KLHDC8B: variants seen among roughly 807,000 people sequenced by gnomAD.
The protein encoded by KLHDC8B is kelch domain-containing protein 8B.
A neutral mutation model predicts 26.3 loss-of-function variants in KLHDC8B; 19 were observed. The observed-to-expected ratio is 0.72, with a 90% confidence interval of 0.50 to 1.06. The LOEUF (loss-of-function observed/expected upper bound fraction) is 1.06. KLHDC8B is among the 50% of genes least tolerant of loss of function. The probability of loss-of-function intolerance (pLI) is 0.00; values close to 1 mark genes in which losing one functional copy is unlikely to be tolerated. For synonymous variants in KLHDC8B, 150 were observed against 188.4 expected (o/e 0.80, Z 1.67); for missense variants, 411 against 488.1 (o/e 0.84, Z 1.49).
intron 3 of KLHDC8B, 129 bp downstream of exon 3, chr3:49,174,532 T>G: frequency 1.6e-6 from 2 of 1,216,234 alleles, no homozygotes; most frequent in Non-Finnish European, 1.1e-6. Flanking sequence ...GGGTGATCCA[T>G]GCCTGCTCTG....
chr3:49,174,099 G>C, intron 2 of KLHDC8B, 140 bp from the exon 3 acceptor site: 3 of 559,138 alleles, frequency 5.4e-6, no homozygotes, highest in Non-Finnish European at 9.4e-6. Flanking sequence ...ACTGCAGGCA[G>C]GTAGTAGAGT....
Position 49,174,204 on chromosome 3 carries a change from C to T in KLHDC8B, c.377-35C>T, listed in dbSNP as rs373374331. 22 of 1,551,224 alleles carry T rather than the reference C, an allele frequency of 1.4e-5. 1 individual carries two copies. In the East Asian group the frequency reaches 2.3e-4, roughly 16 times the overall value. On this transcript the variant is annotated intron_variant, in intron 2 of 5. Transcript: ENST00000332780. ...TGTCAGGGTGGGGTACCCTGGCAGGCTGAGGTACAATCTGAACTACTCTTT... is the reference window on the plus strand; with the variant it reads ...TGTCAGGGTGGGGTACCCTGGCAGGTTGAGGTACAATCTGAACTACTCTTT...
chr3:49,172,328 A>G (rs2045775127), intron 1 of KLHDC8B, among the ~76,000 whole-genome samples: 1 of 152,142 alleles, frequency 6.6e-6, no homozygotes, highest in Non-Finnish European at 1.5e-5. Context: ...GTCCTGTTCT[A>G]GTCACCTTAC....
chr3:49,173,105 C>T lies in KLHDC8B; in HGVS notation c.336C>T (p.Thr112=), dbSNP rs754018528. Residue 112 remains threonine (T), a synonymous_variant, in exon 2 of 6, where the codon ACC becomes ACT. Coordinates refer to ENST00000332780, the MANE Select transcript of KLHDC8B (RefSeq NM_173546.3). ...AGGGCCGCTGGGAGCGTCGGGCCAC[C>T]CTCCCTCAAGCAGCCATGGGGGTTG... ...MDEGRWERRA[T]LPQAAMGVAT... 1 of 1,580,380 alleles carries T rather than the reference C, an allele frequency of 6.3e-7. No homozygotes were observed. The highest frequency in any genetic ancestry group is 8.6e-7 in the Non-Finnish European group (1 of 1,163,606).
Position 49,171,604 on chromosome 3 carries a change from C to T in KLHDC8B, c.-216C>T, listed in dbSNP as rs1174686983. 3 of 152,342 alleles carry T rather than the reference C, an allele frequency of 2.0e-5. No individual in the cohort carries two copies. The highest frequency in any genetic ancestry group is 2.9e-5 in the Non-Finnish European group (2 of 68,172). The allele number at this position is 152,342 out of a possible 1,614,324, so 9.4% of individuals were successfully genotyped here. A position where few individuals can be genotyped will look rare whatever the true frequency, so the allele number is the denominator to read the frequency against. On this transcript the variant is annotated 5_prime_UTR_variant, in exon 1 of 6. Transcript: ENST00000332780. ...GCAGTGCCGGAGCCCCGCCAGAGCCCGACTTCAGCCCCAGCCAGATCCCGC... is the reference window on the plus strand; with the variant it reads ...GCAGTGCCGGAGCCCCGCCAGAGCCTGACTTCAGCCCCAGCCAGATCCCGC...
Position 49,173,001 on chromosome 3 carries a change from G to A in KLHDC8B, c.232G>A (p.Gly78Ser), listed in dbSNP as rs1408180330. ...ARAGAAAVVL[G>S]KQVLVVGGVD... The stretch of plus-strand genomic sequence containing the variant: ...GGCTGGTGCAGCTGCGGTAGTTCTG[G>A]GCAAGCAGGTGCTAGTGGTGGGTGG... Residue 78 changes from glycine (G) to serine (S), a missense_variant, in exon 2 of 6, where the codon GGC becomes AGC. Gly to Ser is a moderately conservative substitution (Grantham distance 56). Transcript: ENST00000332780. 1 of 1,613,864 alleles carries A rather than the reference G, an allele frequency of 6.2e-7. No homozygotes were observed. The highest frequency in any genetic ancestry group is 8.5e-7 in the Non-Finnish European group (1 of 1,179,950).
At position 49,174,330 on chromosome 3, in the gene KLHDC8B, T is replaced by G. The variant is rs1248253083; in HGVS notation, c.468T>G (p.Leu156=). 6.2e-7 allele frequency: 1 copy of G among 1,613,780 alleles called. No individual in the cohort carries two copies. The highest frequency in any genetic ancestry group is 8.5e-7 in the Non-Finnish European group (1 of 1,179,926). The change falls in exon 3 of 6, where the codon CTT becomes CTG. Residue 156 remains leucine (L), a synonymous_variant. Transcript: ENST00000332780. The stretch of plus-strand genomic sequence containing the variant: ...ATGAGCCCCGTCGGGACTGCTGGCT[T>G]TCGCTACCCTCCATGCCCACACCCT... ...RVYEPRRDCW[L]SLPSMPTPCY...
intron 3 of KLHDC8B, 132 bp downstream of exon 3, chr3:49,174,535 C>A: frequency 8.3e-7 from 1 of 1,209,182 alleles, no homozygotes; most frequent in Non-Finnish European, 1.1e-6. Flanking sequence ...TGATCCATGC[C>A]TGCTCTGAGG....
At position 49,175,763 on chromosome 3, in the gene KLHDC8B, C is replaced by G; in HGVS notation, c.1027C>G (p.Gln343Glu). 1 of 1,614,032 alleles carries G rather than the reference C, an allele frequency of 6.2e-7. No homozygotes were observed. The highest frequency in any genetic ancestry group is 8.5e-7 in the Non-Finnish European group (1 of 1,180,010). Residue 343 changes from glutamine (Q) to glutamate (E), a missense_variant, in exon 6 of 6, where the codon CAA becomes GAA. Transcript: ENST00000332780. ...TGGGGGTGTGGCCCAGGGCCCCAGT[C>G]AAGCCGTGGAGGCACTGTGTCTGCG... ...VIGGVAQGPS[Q>E]AVEALCLRDG...
At position 49,174,276 on chromosome 3, in the gene KLHDC8B, C is replaced by T. The variant is rs975853557; in HGVS notation, c.414C>T (p.Asp138=). ...ATGCTCTGGGGGGAATGGGCCCTGACACGGCCCCCCAGGCCCAGGTACGTG... is the reference window on the plus strand; with the variant it reads ...ATGCTCTGGGGGGAATGGGCCCTGATACGGCCCCCCAGGCCCAGGTACGTG... ...MVYALGGMGP[D]TAPQAQVRVY... Residue 138 remains aspartate, a synonymous_variant, in exon 3 of 6, where the codon GAC becomes GAT. Coordinates refer to ENST00000332780, the MANE Select transcript of KLHDC8B (RefSeq NM_173546.3). 4.0e-5 allele frequency: 64 copies of T among 1,613,550 alleles called. No homozygotes were observed. The Admixed American group carries it at 6.2e-4, about 16-fold the overall frequency.
chr3:49,175,904 A>G lies in KLHDC8B; in HGVS notation c.*103A>G. ...ACACTCACTGTGGCTCTGTGGGATG[A>G]GAGAGGCATGGGGGTGAGCACTTGA... On this transcript the variant is annotated 3_prime_UTR_variant, in exon 6 of 6. Coordinates refer to ENST00000332780, the MANE Select transcript of KLHDC8B (RefSeq NM_173546.3). 2 of 1,184,872 alleles carry G rather than the reference A, an allele frequency of 1.7e-6. No individual in the cohort carries two copies. Among genetic ancestry groups the G allele is most frequent in the Non-Finnish European group, 2.4e-6 (2 of 817,504 alleles). 73.4% of individuals were successfully genotyped at this position (1,184,872 alleles called of 1,614,324 possible). A position where few individuals can be genotyped will look rare whatever the true frequency, so the allele number is the denominator to read the frequency against.
chr3:49,175,542 A>G, intron 5 of KLHDC8B, 63 bp from the exon 6 acceptor site: 1 of 1,270,890 alleles, frequency 7.9e-7, no homozygotes, highest in Non-Finnish European at 1.1e-6. Context: ...GGGCTTAGGG[A>G]GCAGAAGGGC....
rs1404859083 is a variant in KLHDC8B at position 49,173,812 on chromosome 3, C to G, written c.377-427C>G. Reference sequence around the variant, plus strand: ...CCCCATCTCCAACTCCAGCTGGTCCCCAGTCCTCCTCCCCAGACTGAGCTC... The same window carrying G: ...CCCCATCTCCAACTCCAGCTGGTCCGCAGTCCTCCTCCCCAGACTGAGCTC... On this transcript the variant is annotated intron_variant, in intron 2 of 5. Transcript: ENST00000332780. Among the ~76,000 whole-genome samples the G allele has an allele frequency of 2.0e-5, 3 of 152,132 alleles. No homozygotes were observed. The East Asian group carries it at 5.8e-4, about 29-fold the overall frequency.
Position 49,175,586 on chromosome 3 carries a change from TTC to T in KLHDC8B, c.869-12_869-11del, listed in dbSNP as rs756643640. Reference sequence around the variant, plus strand: ...CCTACGGCCTGTGCCTCTCACAGCCTTCTCTCTCCTTCTTGCAGGAAACCAGC... The same window carrying T: ...CCTACGGCCTGTGCCTCTCACAGCCTTCTCTCCTTCTTGCAGGAAACCAGC... On this transcript the variant is annotated splice_polypyrimidine_tract_variant and intron_variant, in intron 5 of 5. Coordinates refer to ENST00000332780, the MANE Select transcript of KLHDC8B (RefSeq NM_173546.3). 3.1e-5 allele frequency: 48 copies of T among 1,528,814 alleles called. No homozygotes were observed. Among genetic ancestry groups the T allele is most frequent in the Non-Finnish European group, 4.2e-5 (48 of 1,137,414 alleles). 94.7% of individuals were successfully genotyped at this position (1,528,814 alleles called of 1,614,324 possible).
At position 49,175,092 on chromosome 3, in the gene KLHDC8B, G is replaced by T; in HGVS notation, c.797G>T (p.Arg266Leu). Residue 266 changes from arginine (R) to leucine (L), a missense_variant, in exon 5 of 6, where the codon CGC becomes CTC. Physicochemically the swap from Arg to Leu is moderately radical, Grantham distance 102. Transcript: ENST00000332780. ...TGGACCAAATTGCCCCGCAGCCTGC[G>T]CATGAGGGATAAGAGGGCAGACTTT... Reference protein sequence around the residue: ...GSWTKLPRSLRMRDKRADFVV... With the variant: ...GSWTKLPRSLLMRDKRADFVV... The T allele has an allele frequency of 6.2e-7, 1 of 1,614,156 alleles. No individual in the cohort carries two copies. The highest frequency in any genetic ancestry group is 1.3e-5 in the African/African-American group (1 of 75,062).
rs1260683471 is a variant in KLHDC8B, at chr3:49,175,143, T to C, written c.848T>C (p.Ile283Thr). The C allele has an allele frequency of 5.6e-6, 9 of 1,613,904 alleles. No individual in the cohort carries two copies. The highest frequency in any genetic ancestry group is 1.7e-5 in the Admixed American group (1 of 60,026). The change falls in exon 5 of 6, where the codon ATT becomes ACT. Residue 283 changes from isoleucine to threonine, a missense_variant. Physicochemically the swap from Ile to Thr is moderately conservative, Grantham distance 89. Transcript: ENST00000332780. ...GTGGTTGGGTCCCTTGGGGGCCACA[T>C]TGTGGCCATTGGGGGCCTTGGTAAG... ...DFVVGSLGGH[I>T]VAIGGLGNQP... is the part of the protein sequence containing the mutation.
At position 49,175,584 on chromosome 3, in the gene KLHDC8B, C is replaced by T. The variant is rs1194740630; in HGVS notation, c.869-21C>T. On this transcript the variant is annotated intron_variant, in intron 5 of 5. Coordinates refer to ENST00000332780, the MANE Select transcript of KLHDC8B (RefSeq NM_173546.3). ...TCCCTACGGCCTGTGCCTCTCACAGCCTTCTCTCTCCTTCTTGCAGGAAAC... is the reference window on the plus strand; with the variant it reads ...TCCCTACGGCCTGTGCCTCTCACAGTCTTCTCTCTCCTTCTTGCAGGAAAC... The T allele has an allele frequency of 4.6e-6, 7 of 1,523,754 alleles. No individual in the cohort carries two copies. In the East Asian group the frequency reaches 1.1e-4, roughly 25 times the overall value. 94.4% of individuals were successfully genotyped at this position (1,523,754 alleles called of 1,614,324 possible).
At chr3:49,175,227 T>C (rs2045815606) in intron 5 of KLHDC8B, 64 bp downstream of exon 5, 1 of 1,348,500 alleles carries the variant, frequency 7.4e-7, no homozygotes, top group Non-Finnish European at 1.0e-6. Context: ...GCCCCCAGCA[T>C]GTGTGTCACC....
In KLHDC8B at chr3:49,174,260, G is replaced by A; in HGVS notation, c.398G>A (p.Gly133Glu). Residue 133 changes from glycine (G) to glutamate (E), a missense_variant, in exon 3 of 6, where the codon GGG becomes GAG. Physicochemically the swap from Gly to Glu is moderately conservative, Grantham distance 98. Transcript: ENST00000332780. ...GCAGATGGTATGGTGTATGCTCTGGGGGGAATGGGCCCTGACACGGCCCCC... is the reference window on the plus strand; with the variant it reads ...GCAGATGGTATGGTGTATGCTCTGGAGGGAATGGGCCCTGACACGGCCCCC... ...VERDGMVYAL[G>E]GMGPDTAPQA... The A allele has an allele frequency of 6.2e-7, 1 of 1,613,510 alleles. No individual in the cohort carries two copies. Among genetic ancestry groups the A allele is most frequent in the Non-Finnish European group, 8.5e-7 (1 of 1,179,610 alleles).
Sources: allele counts gnomAD v4.1 joint callset (sites outside exome capture counted in the v4.1 genomes callset), GRCh38; gene constraint gnomAD v4.1.1; transcripts MANE v1.5; gene names NCBI Gene and HGNC (gene_info 2026-07-23, HGNC 2026-07-21).